The following FOXO1 variants were observed in gnomAD, a reference collection of about 807,000 sequenced individuals.
FOXO1 encodes forkhead box O1, also known as forkhead box protein O1.
FOXO1 carries 6 observed loss-of-function variants against 44.1 expected under a neutral mutation model. That is an observed-to-expected ratio of 0.14 (90% CI 0.07 to 0.27). FOXO1 has a LOEUF of 0.27. Among genes scored for constraint, FOXO1 ranks in the 10% least tolerant of loss-of-function variants. The pLI is 1.00. For synonymous variants in FOXO1, 380 were observed against 362.7 expected, an observed-to-expected ratio of 1.05 and a Z score of -0.54; for missense variants, 737 against 888.8, an observed-to-expected ratio of 0.83 and a Z score of 2.17.
At chr13:40,578,820 C>T (rs926415594) in intron 1 of FOXO1, among the ~76,000 whole-genome samples, 6 of 152,188 alleles carry the variant, frequency 3.9e-5, no homozygotes, top group African/African-American at 1.4e-4. Flanking sequence ...AAACTGTTCC[C>T]TTAGACTTTG....
Position 40,557,912 on chromosome 13 carries a change from G to T in FOXO1, c.*1137C>A, listed in dbSNP as rs1873819867. On this transcript the variant is annotated 3_prime_UTR_variant, in exon 3 of 3. Coordinates refer to ENST00000379561, the MANE Select transcript of FOXO1 (RefSeq NM_002015.4). ...ATGCAGTACGCATAGTTCAGTAGAAGCAGATGAAATTTCTTTAAAATACAT... is the reference window on the plus strand; with the variant it reads ...ATGCAGTACGCATAGTTCAGTAGAATCAGATGAAATTTCTTTAAAATACAT... The T allele has an allele frequency of 1.3e-5, 2 of 152,212 alleles. No individual in the cohort carries two copies. Among genetic ancestry groups the T allele is most frequent in the African/African-American group, 2.4e-5 (1 of 41,448 alleles). 9.4% of individuals were successfully genotyped at this position (152,212 alleles called of 1,614,324 possible).
intron 1 of FOXO1, among the ~76,000 whole-genome samples, chr13:40,665,200 C>T (rs1878186198): frequency 1.3e-5 from 2 of 151,972 alleles, no homozygotes; most frequent in Non-Finnish European, 2.9e-5. Context: ...CGCCCTCCCC[C>T]CGCGGAGGTC....
At chr13:40,598,411 C>A (rs1429033383) in intron 1 of FOXO1, among the ~76,000 whole-genome samples, 2 of 152,018 alleles carry the variant, frequency 1.3e-5, no homozygotes, top group Non-Finnish European at 2.9e-5. Context: ...GAATTCATGA[C>A]CATTTCTGAT....
chr13:40,570,138 C>G (rs1240681987), intron 1 of FOXO1, among the ~76,000 whole-genome samples: 1 of 151,720 alleles, frequency 6.6e-6, no homozygotes, highest in East Asian at 2.0e-4. Flanking sequence ...ATGGTGAAAC[C>G]CCCTCTACTA....
At chr13:40,659,208 G>A (rs7324081) in intron 1 of FOXO1, among the ~76,000 whole-genome samples, 62,286 of 150,486 alleles carry the variant, frequency 0.41, 14,039 homozygotes, top group East Asian at 0.73. Flanking sequence ...CCAGCTACTC[G>A]GGAGGCTGAG....
intron 1 of FOXO1, among the ~76,000 whole-genome samples, chr13:40,563,750 G>C (rs1356322104): frequency 6.6e-6 from 1 of 152,106 alleles, no homozygotes; most frequent in African/African-American, 2.4e-5. Context: ...AAATTCCTAT[G>C]GGAAGGCGCC....
intron 1 of FOXO1, among the ~76,000 whole-genome samples, chr13:40,649,579 G>A (rs1213476902): frequency 6.6e-6 from 1 of 152,074 alleles, no homozygotes; most frequent in East Asian, 1.9e-4. Flanking sequence ...ATTAAGTAGG[G>A]TCCTCCTATA....
intron 1 of FOXO1, among the ~76,000 whole-genome samples, chr13:40,659,328 AAAAG>A (rs1877962001): frequency 6.6e-6 from 1 of 151,018 alleles, no homozygotes; most frequent in Admixed American, 6.6e-5. Context: ...AAAAAAAAAA[AAAAG>A]AAAAGAAAAG....
At chr13:40,619,686 G>C in intron 1 of FOXO1, 1 of 1,355,314 alleles carries the variant, frequency 7.4e-7, no homozygotes, top group Non-Finnish European at 1.1e-6. Context: ...ACATTCTAAG[G>C]ACTAGGCTTG....
intron 1 of FOXO1, among the ~76,000 whole-genome samples, chr13:40,577,075 A>G (rs567150896): frequency 1.3e-5 from 2 of 152,342 alleles, no homozygotes; most frequent in African/African-American, 2.4e-5. Context: ...ACCCTGGTGG[A>G]TGCACAGGAG....
intron 1 of FOXO1, among the ~76,000 whole-genome samples, chr13:40,644,088 C>G (rs1184536903): frequency 6.6e-6 from 1 of 152,192 alleles, no homozygotes; most frequent in Non-Finnish European, 1.5e-5. Context: ...GACGTGACCC[C>G]AACGTGAGTT....
At chr13:40,561,063 A>G (rs574033076) in intron 1 of FOXO1, among the ~76,000 whole-genome samples, 3 of 152,294 alleles carry the variant, frequency 2.0e-5, no homozygotes, top group South Asian at 2.1e-4. Flanking sequence ...CTTAAAAACA[A>G]TATCTGTGGC....
At chr13:40,658,554 A>G (rs1877932062) in intron 1 of FOXO1, among the ~76,000 whole-genome samples, 1 of 152,202 alleles carries the variant, frequency 6.6e-6, no homozygotes, top group Non-Finnish European at 1.5e-5. Context: ...TAAGTTACCT[A>G]AGAAAATACC....
At chr13:40,621,278 G>T in intron 1 of FOXO1, 1 of 769,720 alleles carries the variant, frequency 1.3e-6, no homozygotes. Context: ...CTGACCGATG[G>T]CTCTCAGAGA....
In FOXO1 at chr13:40,620,798, G is replaced by T. The variant is rs1172460989; in HGVS notation, c.630+44785C>A. Among the ~76,000 whole-genome samples the T allele has an allele frequency of 2.8e-4, 30 of 105,516 alleles. 1 individual carries two copies. The highest frequency in any genetic ancestry group is 8.6e-4 in the African/African-American group (20 of 23,214). 69.2% of individuals were successfully genotyped at this position (105,516 alleles called of 152,430 possible). On this transcript the variant is annotated intron_variant, in intron 1 of 2. Coordinates refer to ENST00000379561, the MANE Select transcript of FOXO1 (RefSeq NM_002015.4). ...CTGGAAAACTACTATTCTTCCCCTT[G>T]CTTTTTTTTTTTTTTTTTGAGATGG...
At chr13:40,644,220 T>C (rs58418217) in intron 1 of FOXO1, among the ~76,000 whole-genome samples, 125 of 152,272 alleles carry the variant, frequency 8.2e-4, no homozygotes, top group African/African-American at 3.0e-3. Context: ...GGATGGCCCA[T>C]TATCATGCTC....
At chr13:40,616,127 G>A (rs190082553) in intron 1 of FOXO1, among the ~76,000 whole-genome samples, 343 of 152,272 alleles carry the variant, frequency 2.3e-3, no homozygotes, top group Middle Eastern at 0.017. Context: ...CTGATAAACC[G>A]GATGTGGGAT....
chr13:40,586,485 A>T (rs1374418543), intron 1 of FOXO1, among the ~76,000 whole-genome samples: 2 of 152,028 alleles, frequency 1.3e-5, no homozygotes, highest in African/African-American at 4.8e-5. Flanking sequence ...CAACAGAGGC[A>T]CCCCCTTGTG....
At chr13:40,639,687 G>A (rs1877285863) in intron 1 of FOXO1, among the ~76,000 whole-genome samples, 1 of 152,214 alleles carries the variant, frequency 6.6e-6, no homozygotes, top group African/African-American at 2.4e-5. Context: ...CTAATCACTA[G>A]ATGCCAGTAG....
Sources: allele counts gnomAD v4.1 joint callset (sites outside exome capture counted in the v4.1 genomes callset), GRCh38; gene constraint gnomAD v4.1.1; transcripts MANE v1.5; gene names NCBI Gene and HGNC (gene_info 2026-07-23, HGNC 2026-07-21).